The following KIAA0825 variants were observed in gnomAD, a reference collection of about 807,000 sequenced individuals.
KIAA0825 encodes KIAA0825.
A neutral mutation model predicts 147.6 loss-of-function variants in KIAA0825; 119 were observed. That is an observed-to-expected ratio of 0.81 (90% CI 0.69 to 0.94). The LOEUF (loss-of-function observed/expected upper bound fraction) is 0.94. KIAA0825 is among the 40% of genes least tolerant of loss of function. The pLI is 0.00. For synonymous variants in KIAA0825, 470 were observed against 518.1 expected (o/e 0.91, Z 1.26); for missense variants, 1,381 against 1,472.7 (o/e 0.94, Z 1.02).
chr5:94,263,146 A>G (rs1776582702), intron 20 of KIAA0825, among the ~76,000 whole-genome samples: 1 of 152,200 alleles, frequency 6.6e-6, no homozygotes, highest in Non-Finnish European at 1.5e-5. Flanking sequence ...TGAAAGAAAT[A>G]TAAAAACCAA....
At chr5:94,227,553 T>C (rs1328026544) in intron 20 of KIAA0825, among the ~76,000 whole-genome samples, 2 of 139,466 alleles carry the variant, frequency 1.4e-5, no homozygotes, top group Non-Finnish European at 3.1e-5. Flanking sequence ...ATAATAATAA[T>C]AAAATAAAAT....
Position 94,471,628 on chromosome 5 carries a change from C to T in KIAA0825, c.1559G>A (p.Cys520Tyr). Residue 520 changes from cysteine (C) to tyrosine (Y), a missense_variant, in exon 9 of 21, where the codon TGT (cysteine) becomes TAT (tyrosine). Transcript: ENST00000682413. Reference sequence around the variant, plus strand: ...CAGGACAGCTGTTGCCACTTTACAACAGGCCTCCACCAAGTTTGCTCTAAT... The same window carrying T: ...CAGGACAGCTGTTGCCACTTTACAATAGGCCTCCACCAAGTTTGCTCTAAT... Reference protein sequence around the residue: ...QEIRANLVEACCKVATAVLQR... With the variant: ...QEIRANLVEAYCKVATAVLQR... 6.4e-7 allele frequency: 1 copy of T among 1,552,052 alleles called. No individual in the cohort carries two copies. Among genetic ancestry groups the T allele is most frequent in the Non-Finnish European group, 8.7e-7 (1 of 1,147,062 alleles).
chr5:94,527,519 T>C (rs1009826776), intron 3 of KIAA0825, among the ~76,000 whole-genome samples: 1 of 152,018 alleles, frequency 6.6e-6, no homozygotes, highest in African/African-American at 2.4e-5. Flanking sequence ...AATTTTTATT[T>C]CTTAAATCAG....
At position 94,424,035 on chromosome 5, in the gene KIAA0825, A is replaced by C. The variant is rs571608949; in HGVS notation, c.2498-6670T>G. Among the ~76,000 whole-genome samples the C allele has an allele frequency of 1.1e-3, 165 of 152,304 alleles. 1 individual carries two copies. The highest frequency in any genetic ancestry group is 1.0e-3 in the Non-Finnish European group (70 of 68,020). ...TTTATTTACAAAACTTTCAATTAAT[A>C]TAACTTTTTTTACACAGATAATGAA... On this transcript the variant is annotated intron_variant, in intron 14 of 20. Coordinates refer to ENST00000682413, the MANE Select transcript of KIAA0825 (RefSeq NM_001145678.3).
At chr5:94,610,454 A>G (rs1788500740) in intron 1 of KIAA0825, among the ~76,000 whole-genome samples, 2 of 148,338 alleles carry the variant, frequency 1.3e-5, no homozygotes, top group African/African-American at 2.5e-5. Context: ...AAAGAAAAAG[A>G]AAAGAAAAAA....
intron 5 of KIAA0825, among the ~76,000 whole-genome samples, chr5:94,507,245 C>T (rs764868041): frequency 6.6e-6 from 1 of 152,130 alleles, no homozygotes; most frequent in African/African-American, 2.4e-5. Context: ...GTCAGGAGAC[C>T]GAGACCATCT....
At chr5:94,460,428 G>A (rs550467833) in intron 12 of KIAA0825, among the ~76,000 whole-genome samples, 6 of 152,144 alleles carry the variant, frequency 3.9e-5, no homozygotes, top group Middle Eastern at 3.4e-3. Flanking sequence ...GTGGTCCTAC[G>A]CTAAGTTCAG....
intron 18 of KIAA0825, among the ~76,000 whole-genome samples, chr5:94,390,052 A>G (rs1749694426): frequency 2.0e-5 from 3 of 152,208 alleles, no homozygotes; most frequent in Admixed American, 2.0e-4. Flanking sequence ...GTTCAGAATC[A>G]CTATGTCAGA....
At chr5:94,496,428 AC>A (rs1371052359) in intron 5 of KIAA0825, among the ~76,000 whole-genome samples, 1 of 152,148 alleles carries the variant, frequency 6.6e-6, no homozygotes, top group Non-Finnish European at 1.5e-5. Context: ...AAGTTTGTCA[AC>A]CCCTGCCCTC....
At chr5:94,306,875 C>T (rs1778777486) in intron 20 of KIAA0825, among the ~76,000 whole-genome samples, 1 of 151,750 alleles carries the variant, frequency 6.6e-6, no homozygotes, top group Admixed American at 6.6e-5. Flanking sequence ...TCATCATTTT[C>T]AAATCATTCA....
intron 20 of KIAA0825, among the ~76,000 whole-genome samples, chr5:94,245,964 G>A (rs1054846983): frequency 3.9e-5 from 6 of 152,088 alleles, no homozygotes; most frequent in African/African-American, 1.4e-4. Context: ...GTTTAAGTGT[G>A]ACCTCAATTC....
At position 94,481,486 on chromosome 5, in the gene KIAA0825, A is replaced by G. The variant is rs149584119; in HGVS notation, c.1132+3283T>C. On this transcript the variant is annotated intron_variant, in intron 6 of 20. Transcript: ENST00000682413. Reference sequence around the variant, plus strand: ...TTTTCTGGCTCACAAGCAACCTCCCACCAAAAGCTGAATCTGTAGAAGAGA... The same window carrying G: ...TTTTCTGGCTCACAAGCAACCTCCCGCCAAAAGCTGAATCTGTAGAAGAGA... 4.3e-3 allele frequency among the ~76,000 whole-genome samples: 654 copies of G among 152,108 alleles called. 3 individuals carry two copies. The Middle Eastern group carries it at 0.044, about 10-fold the overall frequency.
chr5:94,452,395 C>T (rs530246315), intron 13 of KIAA0825, among the ~76,000 whole-genome samples: 150 of 152,186 alleles, frequency 9.9e-4, no homozygotes, highest in African/African-American at 3.4e-3. Context: ...TATTTTTATT[C>T]TCAGATACCA....
chr5:94,574,176 C>G (rs1297274340), intron 2 of KIAA0825, among the ~76,000 whole-genome samples: 1 of 152,132 alleles, frequency 6.6e-6, no homozygotes, highest in East Asian at 1.9e-4. Flanking sequence ...ACAGGCCCCA[C>G]AGTTGGAGAC....
intron 1 of KIAA0825, among the ~76,000 whole-genome samples, chr5:94,585,249 T>C (rs1022896258): frequency 2.6e-5 from 4 of 152,076 alleles, no homozygotes; most frequent in South Asian, 2.1e-4. Flanking sequence ...GACTGGCAAA[T>C]TGGATAAAGA....
intron 12 of KIAA0825, among the ~76,000 whole-genome samples, chr5:94,453,599 C>T (rs1016355866): frequency 4.6e-5 from 7 of 152,026 alleles, no homozygotes; most frequent in African/African-American, 1.7e-4. Flanking sequence ...GGCAAGTCAG[C>T]ATAGACATGA....
At chr5:94,272,954 G>C (rs900703882) in intron 20 of KIAA0825, among the ~76,000 whole-genome samples, 2 of 152,166 alleles carry the variant, frequency 1.3e-5, no homozygotes, top group African/African-American at 2.4e-5. Flanking sequence ...GACTAGCACA[G>C]GGCAGATACT....
intron 5 of KIAA0825, among the ~76,000 whole-genome samples, chr5:94,490,571 TAAAA>T (rs1366479441): frequency 4.6e-5 from 7 of 152,054 alleles, no homozygotes; most frequent in Non-Finnish European, 1.0e-4. Context: ...GTTAAAAAAA[TAAAA>T]TATACTTTAG....
In KIAA0825 at chr5:94,520,580, T is replaced by C. The variant is rs1767980207; in HGVS notation, c.638A>G (p.Gln213Arg). 1 of 1,613,490 alleles carries C rather than the reference T, an allele frequency of 6.2e-7. No homozygotes were observed. Among genetic ancestry groups the C allele is most frequent in the Non-Finnish European group, 8.5e-7 (1 of 1,179,552 alleles). ...YPESEVIIKY[Q>R]NIQNKLLANL... ...AGCCAACAGTTTATTCTGTATGTTT[T>C]GGTATTTGATTATAACTTCTGATTC... The change falls in exon 5 of 21, where the codon CAA becomes CGA. Residue 213 changes from glutamine to arginine, a missense_variant. Transcript: ENST00000682413.
Sources: gnomAD v4.1 joint callset for allele counts (sites outside exome capture counted in the v4.1 genomes callset) on GRCh38, gnomAD v4.1.1 for gene constraint, MANE v1.5 for transcripts, NCBI Gene and HGNC (gene_info 2026-07-23, HGNC 2026-07-21) for gene names.